ZMAT4: variants seen among roughly 807,000 people sequenced by gnomAD.
ZMAT4 encodes zinc finger matrin-type protein 4.
Under a neutral mutation model 28.7 loss-of-function variants are expected in ZMAT4, and 17 were observed. The observed-to-expected ratio is 0.59, with a 90% CI of 0.41 to 0.89. The LOEUF (loss-of-function observed/expected upper bound fraction) is 0.89, where lower values mean the gene tolerates loss of function less well. Ranked by LOEUF, ZMAT4 falls within the 40% of genes least tolerant of loss-of-function variation. The pLI, the probability that ZMAT4 is intolerant of heterozygous loss-of-function variation, is 0.00. For missense variants in ZMAT4, 240 were observed against 283.8 expected (o/e 0.85, Z 1.11); for synonymous variants, 117 against 109.2 (o/e 1.07, Z -0.44).
At chr8:40,714,282 G>A (rs926775596) in intron 3 of ZMAT4, among the ~76,000 whole-genome samples, 13 of 152,214 alleles carry the variant, frequency 8.5e-5, no homozygotes, top group South Asian at 6.2e-4. Context: ...TACATACAAG[G>A]TTGATTGCTA....
chr8:40,781,556 T>A (rs10958634), intron 2 of ZMAT4, among the ~76,000 whole-genome samples: 43,832 of 148,794 alleles, frequency 0.29, 6,518 homozygotes, highest in East Asian at 0.38. Context: ...AGGTCAGGAG[T>A]TCGAGACCAT....
intron 5 of ZMAT4, among the ~76,000 whole-genome samples, chr8:40,648,497 G>A (rs374848751): frequency 5.3e-5 from 8 of 151,062 alleles, no homozygotes; most frequent in Admixed American, 4.6e-4. Context: ...TGGAAAACAC[G>A]CTGCAGGATA....
At chr8:40,853,464 G>C (rs1379983940) in intron 1 of ZMAT4, among the ~76,000 whole-genome samples, 2 of 152,128 alleles carry the variant, frequency 1.3e-5, no homozygotes, top group African/African-American at 2.4e-5. Context: ...GTTATGGCAG[G>C]AGAATCTCTT....
chr8:40,831,141 A>G (rs967123891), intron 1 of ZMAT4, among the ~76,000 whole-genome samples: 4 of 152,310 alleles, frequency 2.6e-5, no homozygotes, highest in African/African-American at 9.6e-5. Flanking sequence ...TATTGCTATT[A>G]TAGTCTTTCT....
chr8:40,714,690 A>G (rs1173207429), intron 3 of ZMAT4, among the ~76,000 whole-genome samples: 2 of 152,180 alleles, frequency 1.3e-5, no homozygotes, highest in Non-Finnish European at 2.9e-5. Flanking sequence ...AAAATGTAGA[A>G]TACATATTAT....
At chr8:40,706,845 T>A (rs1563424888) in intron 3 of ZMAT4, among the ~76,000 whole-genome samples, 1 of 152,140 alleles carries the variant, frequency 6.6e-6, no homozygotes, top group Non-Finnish European at 1.5e-5. Flanking sequence ...TGCAGGTAAG[T>A]GAAGATTCAG....
At chr8:40,579,176 C>T (rs1804368459) in intron 6 of ZMAT4, among the ~76,000 whole-genome samples, 4 of 152,162 alleles carry the variant, frequency 2.6e-5, no homozygotes, top group Admixed American at 2.6e-4. Context: ...AGAAGAGAGA[C>T]ATTTTTCTGA....
chr8:40,668,915 AC>A (rs1808556560), intron 5 of ZMAT4, among the ~76,000 whole-genome samples: 1 of 150,592 alleles, frequency 6.6e-6, no homozygotes, highest in African/African-American at 2.4e-5. Flanking sequence ...GCCCTTGACT[AC>A]CCAGAACACC....
intron 5 of ZMAT4, among the ~76,000 whole-genome samples, chr8:40,588,163 C>G (rs1440456030): frequency 2.6e-5 from 4 of 151,868 alleles, no homozygotes; most frequent in African/African-American, 9.6e-5. Context: ...ACTATAAAAA[C>G]ATAAAAACAA....
At chr8:40,659,521 G>T (rs916405897) in intron 5 of ZMAT4, among the ~76,000 whole-genome samples, 9 of 152,186 alleles carry the variant, frequency 5.9e-5, no homozygotes, top group Non-Finnish European at 8.8e-5. Flanking sequence ...AAACAGAATG[G>T]AGAGGGGACA....
intron 6 of ZMAT4, among the ~76,000 whole-genome samples, chr8:40,538,452 G>A (rs978920005): frequency 6.6e-6 from 1 of 152,048 alleles, no homozygotes; most frequent in African/African-American, 2.4e-5. Context: ...GCTACACCCC[G>A]ACCACCTTAA....
At position 40,550,761 on chromosome 8, in the gene ZMAT4, TC is replaced by T. The variant is rs573403074; in HGVS notation, c.675-18524del. 1.6e-3 allele frequency among the ~76,000 whole-genome samples: 240 copies of T among 152,222 alleles called. No homozygotes were observed. In the Middle Eastern group the frequency reaches 0.02, roughly 13 times the overall value. On this transcript the variant is annotated intron_variant, in intron 6 of 6. Coordinates refer to ENST00000297737, the MANE Select transcript of ZMAT4 (RefSeq NM_024645.3). ...CCATGATTGTAAGTTTCCTGAGGCCTCCCCAGCAATGCAGAATTATGAGTCA... is the reference window on the plus strand; with the variant it reads ...CCATGATTGTAAGTTTCCTGAGGCCTCCCAGCAATGCAGAATTATGAGTCA...
intron 5 of ZMAT4, among the ~76,000 whole-genome samples, chr8:40,649,529 C>T (rs1002354107): frequency 9.2e-5 from 14 of 152,068 alleles, no homozygotes; most frequent in Non-Finnish European, 1.9e-4. Context: ...GACAGAAAGT[C>T]AACAAGGATA....
chr8:40,740,998 ACACACACACACACACACACACACG>A (rs1811979282), intron 3 of ZMAT4, among the ~76,000 whole-genome samples: 1 of 115,102 alleles, frequency 8.7e-6, no homozygotes, highest in East Asian at 4.9e-4. Context: ...ATGCGCACAC[ACACACACACACACACACACACACG>A]CACACACAGC....
intron 3 of ZMAT4, among the ~76,000 whole-genome samples, chr8:40,725,827 C>G (rs1396090223): frequency 6.6e-6 from 1 of 151,964 alleles, no homozygotes; most frequent in African/African-American, 2.4e-5. Context: ...CTTTCAGAGA[C>G]AGCATTGCAT....
intron 3 of ZMAT4, among the ~76,000 whole-genome samples, chr8:40,718,303 A>G (rs1353733864): frequency 2.0e-5 from 3 of 152,284 alleles, no homozygotes; most frequent in Non-Finnish European, 2.9e-5. Flanking sequence ...GGCTAGCTCT[A>G]CTCAGACCCC....
intron 5 of ZMAT4, among the ~76,000 whole-genome samples, chr8:40,595,389 T>C (rs1026264322): frequency 1.3e-5 from 2 of 152,178 alleles, no homozygotes; most frequent in Non-Finnish European, 2.9e-5. Flanking sequence ...TATATATGTA[T>C]ACACACCACA....
chr8:40,550,477 G>A (rs1340039623), intron 6 of ZMAT4, among the ~76,000 whole-genome samples: 2 of 152,164 alleles, frequency 1.3e-5, no homozygotes, highest in East Asian at 1.9e-4. Flanking sequence ...CATCTGTCAA[G>A]GCCTACTGAT....
chr8:40,755,823 T>C (rs1369064789), intron 3 of ZMAT4, among the ~76,000 whole-genome samples: 1 of 152,196 alleles, frequency 6.6e-6, no homozygotes, highest in Non-Finnish European at 1.5e-5. Flanking sequence ...CATTAAAAAT[T>C]TTTAAAATAA....
Sources: allele counts gnomAD v4.1 joint callset (sites outside exome capture counted in the v4.1 genomes callset), GRCh38; gene constraint gnomAD v4.1.1; transcripts MANE v1.5; gene names NCBI Gene and HGNC (gene_info 2026-07-23, HGNC 2026-07-21).